BPIFB4: variants seen among roughly 807,000 people sequenced by gnomAD.
The protein encoded by BPIFB4 is BPI fold-containing family B member 4.
A neutral mutation model predicts 69.2 loss-of-function variants in BPIFB4; 62 were observed. The observed-to-expected ratio is 0.90, with a 90% CI of 0.73 to 1.11. The LOEUF (loss-of-function observed/expected upper bound fraction) is 1.11. Among genes scored for constraint, BPIFB4 ranks in the 50% least tolerant of loss-of-function variants. The probability of loss-of-function intolerance (pLI) is 0.00; values close to 1 mark genes in which losing one functional copy is unlikely to be tolerated. For synonymous variants in BPIFB4, 330 were observed against 332.7 expected (o/e 0.99, Z 0.09); for missense variants, 789 against 792.0 (o/e 1.00, Z 0.04).
chr20:33,089,366 T>A (rs374479777), intron 8 of BPIFB4, 132 bp from the exon 9 acceptor site: 1 of 1,414,944 alleles, frequency 7.1e-7, no homozygotes, highest in African/African-American at 1.4e-5. Flanking sequence ...CCCACAGGGC[T>A]GTGGTGAGGA....
intron 6 of BPIFB4, 91 bp from the exon 7 acceptor site, chr20:33,085,930 G>GGCAGGGACA: frequency 6.9e-7 from 1 of 1,455,216 alleles, no homozygotes; most frequent in Non-Finnish European, 9.5e-7. Context: ...CGTAGCAGAT[G>GGCAGGGACA]GCAGGGACAG....
chr20:33,097,588 T>C (rs1352273435), intron 12 of BPIFB4, 29 bp from the exon 13 acceptor site: 1 of 1,605,862 alleles, frequency 6.2e-7, no homozygotes. Context: ...CTAAGGGCCC[T>C]GTCCATCTGG....
intron 7 of BPIFB4, among the ~76,000 whole-genome samples, chr20:33,088,610 C>G (rs1428736319): frequency 6.6e-6 from 1 of 152,086 alleles, no homozygotes; most frequent in African/African-American, 2.4e-5. Flanking sequence ...TTTGGAAACA[C>G]AACATAAGGC....
Position 33,086,597 on chromosome 20 carries a change from T to C in BPIFB4, c.926+433T>C, listed in dbSNP as rs1600554492. Among the ~76,000 whole-genome samples, 3 of 152,136 alleles carry C rather than the reference T, an allele frequency of 2.0e-5. No individual in the cohort carries two copies. The East Asian group carries it at 5.8e-4, about 29-fold the overall frequency. On this transcript the variant is annotated intron_variant, in intron 7 of 17. Transcript: ENST00000375483. Reference sequence around the variant, plus strand: ...TGGGTAATTCTTTTTCCTTCAGGAATTGAGATAAGGAATGGAAAACACTTA... The same window carrying C: ...TGGGTAATTCTTTTTCCTTCAGGAACTGAGATAAGGAATGGAAAACACTTA...
At chr20:33,097,558 C>A (rs934558481) in intron 12 of BPIFB4, 59 bp from the exon 13 acceptor site, 69 of 1,534,410 alleles carry the variant, frequency 4.5e-5, no homozygotes, top group Non-Finnish European at 5.8e-5. Context: ...TGGCTGATAA[C>A]CCCCTGGGTA....
At chr20:33,101,562 CTT>C (rs199811266) in intron 14 of BPIFB4, among the ~76,000 whole-genome samples, 4,225 of 152,200 alleles carry the variant, frequency 0.028, 80 homozygotes, top group African/African-American at 0.057. Context: ...CTTTCTTTTT[CTT>C]TTCTTTTGAG....
intron 17 of BPIFB4, among the ~76,000 whole-genome samples, chr20:33,111,122 T>G (rs557101714): frequency 2.6e-5 from 4 of 152,006 alleles, no homozygotes; most frequent in African/African-American, 9.7e-5. Context: ...GGCCAAAAAA[T>G]TTTTTTTAAT....
chr20:33,085,960 G>T, intron 6 of BPIFB4, 61 bp from the exon 7 acceptor site: 1 of 1,549,198 alleles, frequency 6.5e-7, no homozygotes, highest in South Asian at 1.1e-5. Flanking sequence ...GCCTGGGTAA[G>T]GGTGAGCTCC....
Position 33,084,945 on chromosome 20 carries a change from G to C in BPIFB4, c.731G>C (p.Gly244Ala), listed in dbSNP as rs748395161. 72 of 1,611,532 alleles carry C rather than the reference G, an allele frequency of 4.5e-5. No individual in the cohort carries two copies. Among genetic ancestry groups the C allele is most frequent in the Non-Finnish European group, 5.7e-5 (67 of 1,180,020 alleles). The change falls in exon 6 of 18, where the codon GGC (glycine) becomes GCC (alanine). Residue 244 changes from glycine (G) to alanine (A), a missense_variant. Gly to Ala is a moderately conservative substitution (Grantham distance 60). Around this residue, in one of 3 missense-constraint regions of BPIFB4, gnomAD observed 611 missense variants for 575.4 expected, o/e 1.06. Transcript: ENST00000375483. ...CGGGTGTCCGTGCGGCTCCTGCCCG[G>C]CGTGGGTGTCTACCTGAGCTTGTAC... ...LPRVSVRLLPGVGVYLSLYTR... is the reference protein window; with the variant it reads ...LPRVSVRLLPAVGVYLSLYTR...
chr20:33,102,076 G>C (rs1981923208), intron 14 of BPIFB4, among the ~76,000 whole-genome samples: 1 of 152,210 alleles, frequency 6.6e-6, no homozygotes. Flanking sequence ...CTGCAGCCTG[G>C]ATAAGGAGTA....
chr20:33,098,487 G>A (rs150045238), intron 13 of BPIFB4, among the ~76,000 whole-genome samples: 1 of 152,230 alleles, frequency 6.6e-6, no homozygotes, highest in Non-Finnish European at 1.5e-5. Context: ...GCTCACACTT[G>A]AGAACCCAGC....
At chr20:33,094,632 A>G (rs535776933) in intron 11 of BPIFB4, among the ~76,000 whole-genome samples, 77 of 151,414 alleles carry the variant, frequency 5.1e-4, no homozygotes, top group South Asian at 1.3e-3. Context: ...TCAGCCTCCC[A>G]AGTAGCTGGG....
rs1014663424 is a variant in BPIFB4 at position 33,090,945 on chromosome 20, C to T, written c.1143+146C>T. ...CGATTAGAAGAAGGCCTTCTAAGAGCTGTGTTAGAAAACATAATCATGGCC... is the reference window on the plus strand; with the variant it reads ...CGATTAGAAGAAGGCCTTCTAAGAGTTGTGTTAGAAAACATAATCATGGCC... On this transcript the variant is annotated intron_variant, in intron 10 of 17. Transcript: ENST00000375483. The T allele has an allele frequency of 6.2e-5, 60 of 962,582 alleles. 1 individual carries two copies. Among genetic ancestry groups the T allele is most frequent in the Admixed American group, 7.7e-5 (3 of 38,868 alleles). 59.6% of individuals were successfully genotyped at this position (962,582 alleles called of 1,614,324 possible).
At position 33,086,140 on chromosome 20, in the gene BPIFB4, G is replaced by T. The variant is rs766600603; in HGVS notation, c.902G>T (p.Gly301Val). Residue 301 changes from glycine to valine, a missense_variant, in exon 7 of 18, where the codon GGC (glycine) becomes GTC (valine). By Grantham distance (109) the Gly-to-Val change is moderately radical. Coordinates refer to ENST00000375483, the MANE Select transcript of BPIFB4 (RefSeq NM_182519.3). ...GAGCGATGTGACACCCTCCTAGGGG[G>T]CATCAAAGTCAAGCTGCTGCGAGGG... ...VIERCDTLLG[G>V]IKVKLLRGLL... is the part of the protein sequence containing the mutation. 6.2e-7 allele frequency: 1 copy of T among 1,606,972 alleles called. No homozygotes were observed. The highest frequency in any genetic ancestry group is 8.5e-7 in the Non-Finnish European group (1 of 1,174,124).
chr20:33,085,026 C>G, intron 6 of BPIFB4, 30 bp downstream of exon 6: 1 of 1,600,446 alleles, frequency 6.2e-7, no homozygotes, highest in Non-Finnish European at 8.5e-7. Context: ...GAGGGGTCCC[C>G]ACCACCCTAT....
At chr20:33,083,979 A>T in intron 5 of BPIFB4, 105 bp downstream of exon 5, 2 of 1,346,758 alleles carry the variant, frequency 1.5e-6, no homozygotes, top group African/African-American at 1.5e-5. Context: ...TCAGAGCCCC[A>T]CACACTTCAG....
rs1600552682 is a variant in BPIFB4 at position 33,083,818 on chromosome 20, T to G, written c.621T>G (p.Gly207=). 1.2e-6 allele frequency: 2 copies of G among 1,613,126 alleles called. No homozygotes were observed. Among genetic ancestry groups the G allele is most frequent in the Non-Finnish European group, 1.7e-6 (2 of 1,179,650 alleles). Residue 207 remains glycine (G), a synonymous_variant, in exon 5 of 18, where the codon GGT becomes GGG. Coordinates refer to ENST00000375483, the MANE Select transcript of BPIFB4 (RefSeq NM_182519.3). ...ATGGAGGACTTCTTGGAGGAGGGGG[T>G]GTCCTGGGCGTGCTCGGCGAGGGTG... ...LGDGGLLGGG[G]VLGVLGEGGI... is the part of the protein sequence containing the mutation.
intron 17 of BPIFB4, among the ~76,000 whole-genome samples, chr20:33,111,050 A>T (rs1982223687): frequency 6.6e-6 from 1 of 152,126 alleles, no homozygotes; most frequent in Admixed American, 6.5e-5. Flanking sequence ...TCCTGACCTC[A>T]GGTGATCCAC....
At chr20:33,081,957 C>T (rs1600551254) in intron 3 of BPIFB4, among the ~76,000 whole-genome samples, 1 of 152,224 alleles carries the variant, frequency 6.6e-6, no homozygotes, top group African/African-American at 2.4e-5. Flanking sequence ...CCCTGAGCCT[C>T]AGTTTCTTTA....
Sources: allele counts gnomAD v4.1 joint callset (sites outside exome capture counted in the v4.1 genomes callset), GRCh38; gene constraint gnomAD v4.1.1; regional missense constraint gnomAD v4.1.1; transcripts MANE v1.5; gene names NCBI Gene and HGNC (gene_info 2026-07-23, HGNC 2026-07-21).